Variants in DMXL1 observed in about 807,000 individuals in gnomAD.
DMXL1 encodes the protein dmX-like protein 1.
A neutral mutation model predicts 319.2 loss-of-function variants in DMXL1; 99 were observed. The ratio of observed to expected loss-of-function variants is 0.31; its 90% confidence interval spans 0.26 to 0.37. The LOEUF is 0.37. Among genes scored for constraint, DMXL1 ranks in the 10% least tolerant of loss-of-function variants. The pLI, the probability that DMXL1 is intolerant of heterozygous loss-of-function variation, is 1.00. For missense variants in DMXL1, 3,745 were observed against 3,595.6 expected (o/e 1.04, Z -1.06); for synonymous variants, 1,385 against 1,235.2 (o/e 1.12, Z -2.54).
rs1184642340 is a variant in DMXL1 at position 119,167,761 on chromosome 5, T to C, written c.5295T>C (p.Asn1765=). ...PVSELCSLNI[N]MHHDPFLRSM... Reference sequence around the variant, plus strand: ...GTGAACTGTGTTCATTGAACATAAATATGCATCATGATCCTTTTCTTCGGA... The same window carrying C: ...GTGAACTGTGTTCATTGAACATAAACATGCATCATGATCCTTTTCTTCGGA... The change falls in exon 23 of 44, where the codon AAT becomes AAC. Residue 1765 remains asparagine (N), a synonymous_variant. Coordinates refer to ENST00000539542, the MANE Select transcript of DMXL1 (RefSeq NM_001290321.3). 6.2e-7 allele frequency: 1 copy of C among 1,613,716 alleles called. No individual in the cohort carries two copies. Among genetic ancestry groups the C allele is most frequent in the South Asian group, 1.1e-5 (1 of 91,062 alleles).
At chr5:119,215,342 C>G (rs1047086776) in intron 34 of DMXL1, among the ~76,000 whole-genome samples, 1 of 151,966 alleles carries the variant, frequency 6.6e-6, no homozygotes, top group Non-Finnish European at 1.5e-5. Context: ...GGGTCTTGCT[C>G]TGTTGCCTGG....
intron 5 of DMXL1, among the ~76,000 whole-genome samples, chr5:119,111,156 T>C (rs1291470353): frequency 2.0e-5 from 3 of 152,128 alleles, no homozygotes. Context: ...TTAGAGTCTT[T>C]CATACCTGAT....
In DMXL1 at chr5:119,226,702, G is replaced by A. The variant is rs558619883; in HGVS notation, c.8338+1933G>A. 2.0e-5 allele frequency among the ~76,000 whole-genome samples: 3 copies of A among 152,104 alleles called. No homozygotes were observed. The South Asian group carries it at 6.2e-4, about 32-fold the overall frequency. On this transcript the variant is annotated intron_variant, in intron 38 of 43. Transcript: ENST00000539542. ...CTGCTCCTTACTTCAGACACCACTC[G>A]CAGGTTATCAGTTTTCACCTACACA...
Position 119,149,423 on chromosome 5 carries a change from T to C in DMXL1, c.3596T>C (p.Leu1199Pro). The change falls in exon 18 of 44, where the codon CTA (leucine) becomes CCA (proline). Residue 1199 changes from leucine to proline, a missense_variant. Physicochemically the swap from Leu to Pro is moderately conservative, Grantham distance 98 (BLOSUM62 -3). This residue lies in a region of DMXL1 where 2,096 missense variants were observed against 1,985.4 expected (regional missense o/e 1.06). Coordinates refer to ENST00000539542, the MANE Select transcript of DMXL1 (RefSeq NM_001290321.3). ...GTTGTGCCCCTTTCTAAATTTGTACTATTACGAAGTGTGGACCTAGTTTCT... is the reference window on the plus strand; with the variant it reads ...GTTGTGCCCCTTTCTAAATTTGTACCATTACGAAGTGTGGACCTAGTTTCT... ...TKVVPLSKFV[L>P]LRSVDLVSSV... 1 of 1,613,990 alleles carries C rather than the reference T, an allele frequency of 6.2e-7. No individual in the cohort carries two copies. Among genetic ancestry groups the C allele is most frequent in the African/African-American group, 1.3e-5 (1 of 75,016 alleles).
chr5:119,226,706 G>T (rs1297709774), intron 38 of DMXL1, among the ~76,000 whole-genome samples: 1 of 152,122 alleles, frequency 6.6e-6, no homozygotes, highest in Non-Finnish European at 1.5e-5. Context: ...CCACTCGCAG[G>T]TTATCAGTTT....
intron 17 of DMXL1, 147 bp downstream of exon 17, chr5:119,147,617 T>C (rs991244755): frequency 3.0e-4 from 165 of 557,956 alleles, no homozygotes; most frequent in African/African-American, 2.4e-3. Context: ...TGAAGACTTA[T>C]AGTTCTCATT....
chr5:119,220,654 A>C, intron 36 of DMXL1, 61 bp downstream of exon 36: 1 of 1,574,392 alleles, frequency 6.4e-7, no homozygotes, highest in Non-Finnish European at 8.6e-7. Flanking sequence ...TATTTACTGA[A>C]CTAAAACTTT....
chr5:119,142,893 G>T (rs1391171599), intron 13 of DMXL1, among the ~76,000 whole-genome samples: 1 of 152,114 alleles, frequency 6.6e-6, no homozygotes, highest in Non-Finnish European at 1.5e-5. Context: ...GCAGGAACAT[G>T]GGTGGAGCTG....
intron 19 of DMXL1, 130 bp from the exon 20 acceptor site, chr5:119,164,377 A>G (rs1772967965): frequency 1.2e-6 from 1 of 811,740 alleles, no homozygotes; most frequent in Non-Finnish European, 1.8e-6. Flanking sequence ...AAAAGCCCAT[A>G]TTTCCAATCT....
Position 119,118,918 on chromosome 5 carries a change from T to G in DMXL1, c.847T>G (p.Cys283Gly), listed in dbSNP as rs762711155. Residue 283 changes from cysteine to glycine, a missense_variant, in exon 8 of 44, where the codon TGC (cysteine) becomes GGC (glycine). Coordinates refer to ENST00000539542, the MANE Select transcript of DMXL1 (RefSeq NM_001290321.3). The part of the protein sequence containing the change: ...PNDCLLYGGD[C>G]SHWTESINLT... Reference sequence around the variant, plus strand: ...TGATTGTTTGCTATACGGAGGTGACTGCAGCCATTGGACTGAATCAATTAA... The same window carrying G: ...TGATTGTTTGCTATACGGAGGTGACGGCAGCCATTGGACTGAATCAATTAA... 1.2e-6 allele frequency: 2 copies of G among 1,613,782 alleles called. No individual in the cohort carries two copies. Among genetic ancestry groups the G allele is most frequent in the Middle Eastern group, 1.6e-4 (1 of 6,082 alleles).
At chr5:119,106,999 A>G (rs1758494718) in intron 4 of DMXL1, among the ~76,000 whole-genome samples, 1 of 152,198 alleles carries the variant, frequency 6.6e-6, no homozygotes, top group African/African-American at 2.4e-5. Flanking sequence ...AGAAGCTTGT[A>G]TATCATAAAG....
chr5:119,103,330 A>G (rs1427045453), intron 3 of DMXL1, among the ~76,000 whole-genome samples: 1 of 152,188 alleles, frequency 6.6e-6, no homozygotes, highest in East Asian at 1.9e-4. Flanking sequence ...ACATACCTTT[A>G]TATATCTTTT....
chr5:119,167,926 G>C (rs1482734212), intron 23 of DMXL1, 62 bp downstream of exon 23: 11 of 1,496,776 alleles, frequency 7.3e-6, no homozygotes, highest in South Asian at 7.3e-5. Context: ...TACATGTGCA[G>C]ATCACTCTAT....
intron 19 of DMXL1, among the ~76,000 whole-genome samples, chr5:119,162,083 GCTTT>G (rs1772399304): frequency 6.6e-6 from 1 of 152,156 alleles, no homozygotes; most frequent in Non-Finnish European, 1.5e-5. Context: ...TCTGACCGTG[GCTTT>G]CTTTTTCCAC....
intron 1 of DMXL1, among the ~76,000 whole-genome samples, chr5:119,077,860 CGT>C (rs373295354): frequency 0.037 from 3,570 of 95,796 alleles, 133 homozygotes; most frequent in African/African-American, 0.12. Context: ...TGTATATATA[CGT>C]GTGTGTGTGT....
chr5:119,157,405 A>G (rs1771337015), intron 19 of DMXL1, among the ~76,000 whole-genome samples: 1 of 152,184 alleles, frequency 6.6e-6, no homozygotes, highest in Admixed American at 6.5e-5. Flanking sequence ...GCCCAGACTG[A>G]TGACATGTAG....
intron 22 of DMXL1, among the ~76,000 whole-genome samples, 173 bp from the exon 23 acceptor site, chr5:119,167,430 G>C (rs527357001): frequency 7.6e-4 from 116 of 152,166 alleles, no homozygotes; most frequent in Non-Finnish European, 1.7e-3. Context: ...ATGTTGTCAA[G>C]TAGATTTGCT....
chr5:119,081,404 C>G (rs1752163527), intron 1 of DMXL1, among the ~76,000 whole-genome samples: 2 of 152,170 alleles, frequency 1.3e-5, no homozygotes, highest in African/African-American at 4.8e-5. Context: ...GTGTGCGAGG[C>G]ATTGTTTATT....
intron 33 of DMXL1, among the ~76,000 whole-genome samples, chr5:119,204,597 T>C (rs1255847702): frequency 6.6e-6 from 1 of 151,038 alleles, no homozygotes; most frequent in Non-Finnish European, 1.5e-5. Context: ...GTGCTAGTAA[T>C]AAATATCAGT....
Sources: gnomAD v4.1 joint callset for allele counts (sites outside exome capture counted in the v4.1 genomes callset) on GRCh38, gnomAD v4.1.1 for gene constraint, gnomAD v4.1.1 regional missense constraint, MANE v1.5 for transcripts, NCBI Gene and HGNC (gene_info 2026-07-23, HGNC 2026-07-21) for gene names.